The following PEX1 variants were observed in gnomAD, a reference collection of about 807,000 sequenced individuals.
PEX1 encodes peroxisomal ATPase PEX1.
PEX1 carries 97 observed loss-of-function variants against 152.5 expected under a neutral mutation model. The observed-to-expected ratio is 0.64, with a 90% CI of 0.54 to 0.75. The LOEUF (loss-of-function observed/expected upper bound fraction) is 0.75. Ranked by LOEUF, PEX1 falls within the 30% of genes least tolerant of loss-of-function variation. The pLI is 0.00. For missense variants in PEX1, 1,357 were observed against 1,516.3 expected (o/e 0.89, Z 1.74); for synonymous variants, 485 against 531.6 (o/e 0.91, Z 1.21).
Position 92,505,446 on chromosome 7 carries a change from T to C in PEX1, c.1901-544A>G, listed in dbSNP as rs1173401702. Among the ~76,000 whole-genome samples, 21 of 150,796 alleles carry C rather than the reference T, an allele frequency of 1.4e-4. 1 individual carries two copies. The highest frequency in any genetic ancestry group is 4.4e-5 in the Non-Finnish European group (3 of 67,828). The stretch of plus-strand genomic sequence containing the variant: ...AAAAAAAGAAAAAAGAAAAGGAATA[T>C]GCTACTATAATTCCTGTATGCATGT... On this transcript the variant is annotated intron_variant, in intron 11 of 23. Transcript: ENST00000248633.
chr7:92,522,155 C>T lies in PEX1; in HGVS notation c.220G>A (p.Ala74Thr). 1.2e-6 allele frequency: 2 copies of T among 1,614,134 alleles called. No individual in the cohort carries two copies. The highest frequency in any genetic ancestry group is 1.7e-6 in the Non-Finnish European group (2 of 1,179,994). ...RHFSDQGENV[A>T]EINRQVGQKL... Reference sequence around the variant, plus strand: ...TGACCAACTTGTCTGTTAATTTCAGCCACATTTTCACCTTGATCACTAAAA... The same window carrying T: ...TGACCAACTTGTCTGTTAATTTCAGTCACATTTTCACCTTGATCACTAAAA... Residue 74 changes from alanine (A) to threonine (T), a missense_variant, in exon 2 of 24, where the codon GCT becomes ACT. Physicochemically the swap from Ala to Thr is moderately conservative, Grantham distance 58. Transcript: ENST00000248633.
At chr7:92,513,700 G>A (rs937051509) in intron 6 of PEX1, 148 bp downstream of exon 6, 1 of 581,958 alleles carries the variant, frequency 1.7e-6, no homozygotes, top group African/African-American at 1.9e-5. Flanking sequence ...GGCGAACATG[G>A]CATATTTTAT....
chr7:92,487,536 T>TC lies in PEX1; in HGVS notation c.3772dup (p.Glu1258GlyfsTer33). On this transcript the variant is annotated frameshift_variant, in exon 24 of 24. Coordinates refer to ENST00000248633, the MANE Select transcript of PEX1 (RefSeq NM_000466.3). LOFTEE classifies it high-confidence loss of function. ...TCTCCTCTTTGGATTTTGAAAGCTT[T>TC]CATATCTGAAAAAAGAAAGAGATAA... The TC allele has an allele frequency of 2.6e-6, 4 of 1,529,624 alleles. No homozygotes were observed. Among genetic ancestry groups the TC allele is most frequent in the Non-Finnish European group, 3.6e-6 (4 of 1,106,836 alleles). The allele number at this position is 1,529,624 out of a possible 1,614,324, so 94.8% of individuals were successfully genotyped here.
intron 22 of PEX1, 72 bp from the exon 23 acceptor site, chr7:92,489,495 A>G (rs1791151599): frequency 1.2e-5 from 16 of 1,349,358 alleles, no homozygotes; most frequent in Admixed American, 3.7e-5. Context: ...TCCAGTTGTT[A>G]CTTCTTATTG....
intron 7 of PEX1, 126 bp from the exon 8 acceptor site, chr7:92,511,173 T>C: frequency 1.6e-6 from 1 of 622,228 alleles, no homozygotes; most frequent in Non-Finnish European, 2.9e-6. Flanking sequence ...AGGGTCTCAC[T>C]CTGCTGCCCA....
intron 19 of PEX1, 72 bp from the exon 20 acceptor site, chr7:92,493,201 T>C (rs936800939): frequency 1.7e-5 from 15 of 890,354 alleles, no homozygotes; most frequent in Admixed American, 1.4e-4. Flanking sequence ...GTGTATCTTA[T>C]GATTTTCTTC....
chr7:92,510,474 AAAAAAT>A (rs1486624413), intron 8 of PEX1, among the ~76,000 whole-genome samples: 1 of 151,580 alleles, frequency 6.6e-6, no homozygotes, highest in Non-Finnish European at 1.5e-5. Context: ...TTTTAAAAAA[AAAAAAT>A]AATAATATAA....
chr7:92,488,879 A>G (rs6955699), intron 23 of PEX1, among the ~76,000 whole-genome samples: 138,466 of 152,036 alleles, frequency 0.91, 63,093 homozygotes, highest in East Asian at 0.97. Context: ...GACTACAGGC[A>G]CATGCCACCA....
At chr7:92,513,212 C>T (rs2116217484) in intron 6 of PEX1, among the ~76,000 whole-genome samples, 1 of 152,052 alleles carries the variant, frequency 6.6e-6, no homozygotes, top group Admixed American at 6.5e-5. Context: ...TAGGTATATC[C>T]CAAAGGAGCT....
intron 5 of PEX1, among the ~76,000 whole-genome samples, chr7:92,515,093 A>C (rs1308562369): frequency 3.1e-3 from 16 of 5,182 alleles, no homozygotes; most frequent in South Asian, 7.2e-3. Flanking sequence ...ATATATATAT[A>C]TATATATATA....
intron 1 of PEX1, among the ~76,000 whole-genome samples, chr7:92,526,261 T>C (rs1288227225): frequency 1.3e-5 from 2 of 152,224 alleles, no homozygotes; most frequent in African/African-American, 4.8e-5. Context: ...CTAAAGCCTA[T>C]TCCCTAAGAT....
chr7:92,491,603 A>G (rs2116061453), intron 20 of PEX1, 101 bp from the exon 21 acceptor site: 1 of 729,058 alleles, frequency 1.4e-6, no homozygotes, highest in Non-Finnish European at 2.4e-6. Flanking sequence ...AATACAAGAA[A>G]CTTAGAAGCA....
At chr7:92,511,918 A>G (rs1476158369) in intron 6 of PEX1, among the ~76,000 whole-genome samples, 2 of 152,216 alleles carry the variant, frequency 1.3e-5, no homozygotes, top group Non-Finnish European at 2.9e-5. Flanking sequence ...TAGGCGGAAA[A>G]GTTTTAAATG....
At chr7:92,496,606 A>G in intron 17 of PEX1, 107 bp downstream of exon 17, 1 of 791,088 alleles carries the variant, frequency 1.3e-6, no homozygotes, top group Non-Finnish European at 2.3e-6. Flanking sequence ...ATTCACATAA[A>G]CCACAGGTTT....
intron 20 of PEX1, 110 bp downstream of exon 20, chr7:92,492,843 C>T: frequency 1.2e-6 from 1 of 836,246 alleles, no homozygotes. Flanking sequence ...TGTTTCTATA[C>T]AGTTTTACCA....
Position 92,507,063 on chromosome 7 carries a change from A to T in PEX1, c.1734T>A (p.Pro578=). 1 of 1,613,984 alleles carries T rather than the reference A, an allele frequency of 6.2e-7. No homozygotes were observed. The highest frequency in any genetic ancestry group is 1.1e-5 in the South Asian group (1 of 91,078). ...EHITHSLLGR[P]LSRQLMSLVA... ...CAAGAGACATCAGCTGCCGAGACAA[A>T]GGGCGTCCCAGGAGGCTGTGAGTGA... Residue 578 remains proline (P), a synonymous_variant, in exon 10 of 24, where the codon CCT becomes CCA. Transcript: ENST00000248633.
intron 14 of PEX1, 59 bp downstream of exon 14, chr7:92,501,831 T>C: frequency 6.7e-7 from 1 of 1,483,982 alleles, no homozygotes; most frequent in Non-Finnish European, 9.4e-7. Flanking sequence ...CTTACTACAA[T>C]TACATTTCTC....
intron 16 of PEX1, among the ~76,000 whole-genome samples, chr7:92,497,316 A>C (rs1791700784): frequency 6.6e-6 from 1 of 152,246 alleles, no homozygotes; most frequent in Non-Finnish European, 1.5e-5. Flanking sequence ...TGGTGTAAGA[A>C]GGGACAAAGT....
At position 92,506,268 on chromosome 7, in the gene PEX1, A is replaced by G. The variant is rs1432703375; in HGVS notation, c.1880T>C (p.Val627Ala). Residue 627 changes from valine (V) to alanine (A), a missense_variant, in exon 11 of 24, where the codon GTT becomes GCT. Coordinates refer to ENST00000248633, the MANE Select transcript of PEX1 (RefSeq NM_000466.3). Reference sequence around the variant, plus strand: ...CATACCTCGTAAAGCTTTACAGTCAACTCTCTCCACATGGGCATCCAGTTT... The same window carrying G: ...CATACCTCGTAAAGCTTTACAGTCAGCTCTCTCCACATGGGCATCCAGTTT... ...FDKLDAHVER[V>A]DCKALRGKRL... The G allele has an allele frequency of 4.4e-6, 7 of 1,602,932 alleles. No homozygotes were observed. In the African/African-American group the frequency reaches 6.7e-5, roughly 15 times the overall value.
Sources: gnomAD v4.1 joint callset for allele counts (sites outside exome capture counted in the v4.1 genomes callset) on GRCh38, gnomAD v4.1.1 for gene constraint, MANE v1.5 for transcripts, NCBI Gene and HGNC (gene_info 2026-07-23, HGNC 2026-07-21) for gene names.